The following PRKG2 variants were observed in gnomAD, a reference collection of about 807,000 sequenced individuals.
PRKG2 encodes cGMP-dependent protein kinase 2.
Under a neutral mutation model 97.2 loss-of-function variants are expected in PRKG2, and 33 were observed. The ratio of observed to expected loss-of-function variants is 0.34; its 90% CI spans 0.26 to 0.45. The LOEUF (loss-of-function observed/expected upper bound fraction) is 0.45, where lower values mean the gene tolerates loss of function less well. PRKG2 is among the 20% of genes least tolerant of loss of function. The pLI, the probability that PRKG2 is intolerant of heterozygous loss-of-function variation, is 1.00. For synonymous variants in PRKG2, 330 were observed against 321.8 expected (o/e 1.03, Z -0.27); for missense variants, 638 against 900.0 (o/e 0.71, Z 3.73).
upstream of PRKG2, among the ~76,000 whole-genome samples, chr4:81,215,618 A>G (rs1435802795): frequency 6.6e-6 from 1 of 151,420 alleles, no homozygotes; most frequent in African/African-American, 2.4e-5. Context: ...GAGCTCAAAC[A>G]GGCGCACGTA....
chr4:81,151,292 C>T (rs565237967), intron 8 of PRKG2, among the ~76,000 whole-genome samples: 12 of 152,096 alleles, frequency 7.9e-5, no homozygotes, highest in South Asian at 2.1e-4. Context: ...CTAACTTTAA[C>T]TTAATATTTT....
intron 2 of PRKG2, among the ~76,000 whole-genome samples, chr4:81,187,244 G>A (rs890139964): frequency 1.4e-4 from 22 of 152,120 alleles, no homozygotes; most frequent in Non-Finnish European, 7.4e-5. Flanking sequence ...CTGGGAAACC[G>A]AATCCAGCAG....
chr4:81,217,779 C>G (rs1484021489), upstream of PRKG2, among the ~76,000 whole-genome samples: 4 of 152,148 alleles, frequency 2.6e-5, no homozygotes, highest in Non-Finnish European at 5.9e-5. Flanking sequence ...ATAATTAACC[C>G]AATTTAGAAT....
intron 14 of PRKG2, among the ~76,000 whole-genome samples, chr4:81,118,044 C>T (rs1278573789): frequency 2.6e-5 from 4 of 152,192 alleles, no homozygotes; most frequent in African/African-American, 7.2e-5. Flanking sequence ...TTTTTGCTGT[C>T]TCCAATAGTT....
chr4:81,107,360 AAG>A (rs1743450628), intron 15 of PRKG2, among the ~76,000 whole-genome samples: 1 of 152,150 alleles, frequency 6.6e-6, no homozygotes, highest in Non-Finnish European at 1.5e-5. Context: ...AGTGGGTAAA[AAG>A]AGAGAATAGA....
intron 2 of PRKG2, among the ~76,000 whole-genome samples, chr4:81,200,662 T>G (rs1430184158): frequency 2.0e-5 from 3 of 152,170 alleles, no homozygotes; most frequent in African/African-American, 4.8e-5. Flanking sequence ...CCACGGTATA[T>G]TCCATAACTC....
At chr4:81,115,279 C>T (rs1744405340) in intron 14 of PRKG2, among the ~76,000 whole-genome samples, 1 of 152,094 alleles carries the variant, frequency 6.6e-6, no homozygotes, top group Admixed American at 6.6e-5. Context: ...GTAATATAAA[C>T]TTTATATTTT....
intron 14 of PRKG2, among the ~76,000 whole-genome samples, chr4:81,111,955 C>T (rs1028662262): frequency 6.6e-6 from 1 of 152,112 alleles, no homozygotes; most frequent in Non-Finnish European, 1.5e-5. Flanking sequence ...AATAATACAG[C>T]AACAATCTTG....
At chr4:81,133,616 A>G (rs1170931533) in intron 14 of PRKG2, among the ~76,000 whole-genome samples, 1 of 152,188 alleles carries the variant, frequency 6.6e-6, no homozygotes, top group African/African-American at 2.4e-5. Flanking sequence ...GACATTTTGT[A>G]GTAAGAGGAT....
At chr4:81,140,141 C>T (rs766081340) in intron 12 of PRKG2, among the ~76,000 whole-genome samples, 2 of 151,944 alleles carry the variant, frequency 1.3e-5, no homozygotes, top group Non-Finnish European at 2.9e-5. Context: ...GGAGTGGTTA[C>T]CAGAGCCTGG....
intron 8 of PRKG2, 40 bp downstream of exon 8, chr4:81,151,920 G>C: frequency 6.8e-7 from 1 of 1,466,392 alleles, no homozygotes; most frequent in South Asian, 1.2e-5. Context: ...AATAGTCGAA[G>C]CATTTTATCC....
At chr4:81,204,387 TA>T (rs1244197164) in intron 2 of PRKG2, among the ~76,000 whole-genome samples, 199 bp downstream of exon 2, 4 of 152,078 alleles carry the variant, frequency 2.6e-5, no homozygotes, top group Admixed American at 2.6e-4. Flanking sequence ...TCATGAGAGA[TA>T]TATATAGTAC....
chr4:81,144,176 T>G (rs1459906737), intron 10 of PRKG2, 56 bp downstream of exon 10: 12 of 1,492,320 alleles, frequency 8.0e-6, no homozygotes, highest in Non-Finnish European at 1.0e-5. Flanking sequence ...GTCCCCTTCT[T>G]TATTTATTGG....
At chr4:81,144,102 G>C (rs1747564519) in intron 10 of PRKG2, 130 bp downstream of exon 10, 2 of 686,672 alleles carry the variant, frequency 2.9e-6, no homozygotes, top group Non-Finnish European at 2.5e-6. Context: ...CAATTCAAAA[G>C]AACTCTCCAG....
chr4:81,113,472 C>T (rs914040376), intron 14 of PRKG2, among the ~76,000 whole-genome samples: 4 of 151,604 alleles, frequency 2.6e-5, no homozygotes, highest in South Asian at 2.1e-4. Flanking sequence ...TCATTATTAA[C>T]GATGGCGTAC....
At chr4:81,216,213 G>T (rs1282824239), upstream of PRKG2, among the ~76,000 whole-genome samples, 1 of 152,052 alleles carries the variant, frequency 6.6e-6, no homozygotes, top group Non-Finnish European at 1.5e-5. Flanking sequence ...TAAAAATGAG[G>T]CCCATGTAAA....
chr4:81,092,532 A>C (rs1305843021), intron 17 of PRKG2, 80 bp from the exon 18 acceptor site: 2 of 818,876 alleles, frequency 2.4e-6, no homozygotes, highest in Non-Finnish European at 3.9e-6. Flanking sequence ...AAGAGACGAC[A>C]AAAAGGAATA....
At chr4:81,172,415 T>C (rs1018162967) in intron 3 of PRKG2, among the ~76,000 whole-genome samples, 4 of 152,144 alleles carry the variant, frequency 2.6e-5, no homozygotes, top group Non-Finnish European at 5.9e-5. Flanking sequence ...TTTTTGCCTA[T>C]GTGACCTTGG....
chr4:81,165,959 TA>T lies in PRKG2; in HGVS notation c.912+1201del, dbSNP rs879481593. 4.5e-4 allele frequency among the ~76,000 whole-genome samples: 65 copies of T among 145,200 alleles called. No homozygotes were observed. In the South Asian group the frequency reaches 5.0e-3, roughly 11 times the overall value. Reference sequence around the variant, plus strand: ...AAACTAGGGCCTCTCCAGCTTTAAGTAAAAAAAAAAACACCCTTAGAAATTA... The same window carrying T: ...AAACTAGGGCCTCTCCAGCTTTAAGTAAAAAAAAAACACCCTTAGAAATTA... On this transcript the variant is annotated intron_variant, in intron 6 of 18. Coordinates refer to ENST00000264399, the MANE Select transcript of PRKG2 (RefSeq NM_006259.3).
Sources: allele counts gnomAD v4.1 joint callset (sites outside exome capture counted in the v4.1 genomes callset), GRCh38; gene constraint gnomAD v4.1.1; transcripts MANE v1.5; gene names NCBI Gene and HGNC (gene_info 2026-07-23, HGNC 2026-07-21).